The following EML4 variants were observed in gnomAD, a reference collection of about 807,000 sequenced individuals.
EML4 encodes the protein EMAP like 4.
In EML4, 72 loss-of-function variants were observed where a neutral mutation model predicts 129.0. That is an observed-to-expected ratio of 0.56 (90% CI 0.46 to 0.68). The LOEUF (loss-of-function observed/expected upper bound fraction) is 0.68. Among genes scored for constraint, EML4 ranks in the 30% least tolerant of loss-of-function variants. The pLI is 0.00. For missense variants in EML4, 1,363 were observed against 1,190.6 expected (o/e 1.14, Z -2.13); for synonymous variants, 532 against 405.0 (o/e 1.31, Z -3.77).
intron 1 of EML4, among the ~76,000 whole-genome samples, chr2:42,220,386 A>G (rs1673509795): frequency 6.6e-6 from 1 of 151,902 alleles, no homozygotes; most frequent in Non-Finnish European, 1.5e-5. Flanking sequence ...CTTTTTCACT[A>G]TTATTATATC....
chr2:42,233,598 C>T (rs1165653566), intron 1 of EML4, among the ~76,000 whole-genome samples: 1 of 152,010 alleles, frequency 6.6e-6, no homozygotes, highest in Non-Finnish European at 1.5e-5. Flanking sequence ...TGAGCCACCG[C>T]ACCCAGCCCC....
chr2:42,176,102 C>T (rs1310781345), intron 1 of EML4, among the ~76,000 whole-genome samples: 3 of 151,438 alleles, frequency 2.0e-5, no homozygotes, highest in African/African-American at 7.3e-5. Flanking sequence ...ATACCTGAAT[C>T]TGAACTTCTC....
At chr2:42,280,218 G>A (rs1016521630) in intron 6 of EML4, among the ~76,000 whole-genome samples, 7 of 152,234 alleles carry the variant, frequency 4.6e-5, no homozygotes, top group South Asian at 2.1e-4. Flanking sequence ...ATTTTCTTTA[G>A]CATTTTTCTA....
Position 42,270,270 on chromosome 2 carries a change from A to G in EML4, c.667+5539A>G, listed in dbSNP as rs1255685654. Among the ~76,000 whole-genome samples, 3 of 152,276 alleles carry G rather than the reference A, an allele frequency of 2.0e-5. No homozygotes were observed. The East Asian group carries it at 5.8e-4, about 29-fold the overall frequency. Reference sequence around the variant, plus strand: ...TTGCTTGTGAACTACCTTTTGAAGAACTTAAAGGCTAGGTGGGGTGGCTCA... The same window carrying G: ...TTGCTTGTGAACTACCTTTTGAAGAGCTTAAAGGCTAGGTGGGGTGGCTCA... On this transcript the variant is annotated intron_variant, in intron 6 of 22. Transcript: ENST00000318522.
chr2:42,176,918 C>T (rs377501940), intron 1 of EML4, among the ~76,000 whole-genome samples: 3 of 152,194 alleles, frequency 2.0e-5, no homozygotes, highest in East Asian at 3.9e-4. Context: ...CTCAGCCTTC[C>T]GACTAGGTGG....
At chr2:42,247,662 G>GATTTATTTATTT (rs368933918) in intron 2 of EML4, among the ~76,000 whole-genome samples, 26 of 151,942 alleles carry the variant, frequency 1.7e-4, no homozygotes, top group East Asian at 7.7e-4. Context: ...TTGCTTGCTT[G>GATTTATTTATTT]ATTTATTTAT....
At position 42,261,249 on chromosome 2, in the gene EML4, TAC is replaced by T; in HGVS notation, c.471_472del (p.His157GlnfsTer22). The T allele has an allele frequency of 6.2e-7, 1 of 1,613,940 alleles. No homozygotes were observed. The highest frequency in any genetic ancestry group is 8.5e-7 in the Non-Finnish European group (1 of 1,179,918). The stretch of plus-strand genomic sequence containing the variant: ...CAGCCCTCTTCACAACCTCTCCAAA[TAC>T]ACAGACAAACTCCAGAAAGCAAGAA... On this transcript the variant is annotated frameshift_variant, in exon 4 of 23. Coordinates refer to ENST00000318522, the MANE Select transcript of EML4 (RefSeq NM_019063.5). LOFTEE classifies it high-confidence loss of function.
At chr2:42,257,387 A>G (rs1262008480) in intron 3 of EML4, among the ~76,000 whole-genome samples, 1 of 152,228 alleles carries the variant, frequency 6.6e-6, no homozygotes, top group African/African-American at 2.4e-5. Context: ...TTAAGTAATA[A>G]GATCATGTGT....
chr2:42,195,726 T>C (rs899926823), intron 1 of EML4, among the ~76,000 whole-genome samples: 1 of 152,228 alleles, frequency 6.6e-6, no homozygotes, highest in African/African-American at 2.4e-5. Flanking sequence ...TCTTGTTGAT[T>C]ATATTTGGTT....
At chr2:42,221,988 G>T (rs970786232) in intron 1 of EML4, among the ~76,000 whole-genome samples, 2 of 151,858 alleles carry the variant, frequency 1.3e-5, no homozygotes, top group African/African-American at 4.8e-5. Context: ...TGCCTGCCTG[G>T]TCCCAACGTG....
At chr2:42,302,770 G>A (rs1340973674) in intron 14 of EML4, among the ~76,000 whole-genome samples, 1 of 152,126 alleles carries the variant, frequency 6.6e-6, no homozygotes, top group Non-Finnish European at 1.5e-5. Context: ...CTGACCTCAG[G>A]TGATCCACCC....
At chr2:42,187,650 T>G (rs1044673991) in intron 1 of EML4, among the ~76,000 whole-genome samples, 4 of 150,170 alleles carry the variant, frequency 2.7e-5, no homozygotes, top group Admixed American at 2.0e-4. Flanking sequence ...TCTCTATGAA[T>G]TCTCCTATTT....
intron 1 of EML4, among the ~76,000 whole-genome samples, chr2:42,217,051 T>C (rs927569835): frequency 7.9e-5 from 12 of 152,154 alleles, no homozygotes; most frequent in East Asian, 3.8e-4. Context: ...GTTAAGTAAA[T>C]TTTCATTTTT....
chr2:42,279,469 T>C (rs769825539), intron 6 of EML4, among the ~76,000 whole-genome samples: 13 of 151,986 alleles, frequency 8.6e-5, no homozygotes, highest in Admixed American at 6.6e-4. Flanking sequence ...GTCTTTTTTT[T>C]TTTTTTGAGA....
chr2:42,231,384 G>A (rs1274467962), intron 1 of EML4, among the ~76,000 whole-genome samples: 1 of 152,264 alleles, frequency 6.6e-6, no homozygotes, highest in Non-Finnish European at 1.5e-5. Flanking sequence ...GCTCCGAAGT[G>A]TAATCTCTAA....
chr2:42,261,100 A>C, intron 3 of EML4, 21 bp from the exon 4 acceptor site: 1 of 1,560,280 alleles, frequency 6.4e-7, no homozygotes, highest in Non-Finnish European at 8.7e-7. Flanking sequence ...GTATTGTTCC[A>C]TGTTATACTT....
intron 16 of EML4, 21 bp downstream of exon 16, chr2:42,303,467 TTATTAAC>T: frequency 6.2e-7 from 1 of 1,608,712 alleles, no homozygotes; most frequent in South Asian, 1.1e-5. Flanking sequence ...CAGGATGTGA[TTATTAAC>T]CTCCCCACAG....
rs999006050 is a variant in EML4, at chr2:42,286,896, A to G, written c.1122+517A>G. 2.0e-5 allele frequency among the ~76,000 whole-genome samples: 3 copies of G among 152,252 alleles called. No homozygotes were observed. In the South Asian group the frequency reaches 6.2e-4, roughly 32 times the overall value. On this transcript the variant is annotated intron_variant, in intron 10 of 22. Coordinates refer to ENST00000318522, the MANE Select transcript of EML4 (RefSeq NM_019063.5). ...GAATTGATGACAACATGGGTTTAAA[A>G]TTTTCCCCAGCAGTCCTTTCTAAGT...
chr2:42,330,680 C>CT lies in EML4; in HGVS notation c.*474dup, dbSNP rs1670059350. On this transcript the variant is annotated 3_prime_UTR_variant, in exon 23 of 23. Coordinates refer to ENST00000318522, the MANE Select transcript of EML4 (RefSeq NM_019063.5). ...AAAAATGTACTCTTACTGAGATACC[C>CT]TCTCACCCCAAATGTGTAATGGAAA... 1 of 248,650 alleles carries CT rather than the reference C, an allele frequency of 4.0e-6. No individual in the cohort carries two copies. Among genetic ancestry groups the CT allele is most frequent in the Non-Finnish European group, 8.0e-6 (1 of 125,488 alleles). The allele number at this position is 248,650 out of a possible 1,614,324, so 15.4% of individuals were successfully genotyped here. A position where few individuals can be genotyped will look rare whatever the true frequency, so the allele number is the denominator to read the frequency against.
Sources: gnomAD v4.1 joint callset for allele counts (sites outside exome capture counted in the v4.1 genomes callset) on GRCh38, gnomAD v4.1.1 for gene constraint, MANE v1.5 for transcripts, NCBI Gene and HGNC (gene_info 2026-07-23, HGNC 2026-07-21) for gene names.